Variants in CSMD1 observed in about 807,000 individuals in gnomAD.
CSMD1 encodes the protein CUB and sushi domain-containing protein 1.
Under a neutral mutation model 417.5 loss-of-function variants are expected in CSMD1, and 213 were observed. That is an observed-to-expected ratio of 0.51 (90% CI 0.46 to 0.57). The LOEUF (loss-of-function observed/expected upper bound fraction) is 0.57. Among genes scored for constraint, CSMD1 ranks in the 20% least tolerant of loss-of-function variants. CSMD1 has a pLI of 0.00. For missense variants in CSMD1, 6,923 were observed against 4,529.7 expected (o/e 1.53, Z -15.17); for synonymous variants, 2,862 against 1,736.8 (o/e 1.65, Z -16.11).
chr8:3,663,101 C>A (rs1363168982), intron 7 of CSMD1, among the ~76,000 whole-genome samples: 3 of 152,036 alleles, frequency 2.0e-5, no homozygotes, highest in Non-Finnish European at 2.9e-5. Flanking sequence ...GAACTGCCCG[C>A]AATGAAGACC....
intron 1 of CSMD1, among the ~76,000 whole-genome samples, chr8:4,766,487 G>C (rs6558915): frequency 6.6e-6 from 1 of 152,190 alleles, no homozygotes; most frequent in Non-Finnish European, 1.5e-5. Context: ...GCTGCAACCA[G>C]AAAGTCAGGC....
In CSMD1 at chr8:4,094,134, G is replaced by C. The variant is rs559549670; in HGVS notation, c.416-62035C>G. On this transcript the variant is annotated intron_variant, in intron 3 of 69. Coordinates refer to ENST00000635120, the MANE Select transcript of CSMD1 (RefSeq NM_033225.6). ...CCCAACAGATGGTGCCTCCGTGTGT[G>C]GGGGGGATGAGGGGACACAGCCGTG... 1.6e-3 allele frequency among the ~76,000 whole-genome samples: 251 copies of C among 152,186 alleles called. 1 individual carries two copies. The highest frequency in any genetic ancestry group is 5.8e-3 in the African/African-American group (241 of 41,532).
At chr8:4,245,442 C>T (rs754465707) in intron 3 of CSMD1, among the ~76,000 whole-genome samples, 1 of 152,112 alleles carries the variant, frequency 6.6e-6, no homozygotes, top group Non-Finnish European at 1.5e-5. Context: ...TTAGGTGGTG[C>T]TCAACACAAT....
At chr8:2,941,467 A>C (rs954509752) in intron 69 of CSMD1, among the ~76,000 whole-genome samples, 1 of 152,188 alleles carries the variant, frequency 6.6e-6, no homozygotes, top group African/African-American at 2.4e-5. Flanking sequence ...TTTGTAGTTA[A>C]TGCTACCATT....
chr8:4,665,448 A>G (rs1015403204), intron 1 of CSMD1, among the ~76,000 whole-genome samples: 1 of 152,212 alleles, frequency 6.6e-6, no homozygotes, highest in Non-Finnish European at 1.5e-5. Context: ...TGAGAGATTC[A>G]AACTCCACAG....
chr8:4,521,316 T>C (rs955503133), intron 2 of CSMD1, among the ~76,000 whole-genome samples: 5 of 151,886 alleles, frequency 3.3e-5, no homozygotes, highest in Non-Finnish European at 7.4e-5. Flanking sequence ...TGAGTAAAGA[T>C]AGGAAATGGG....
intron 26 of CSMD1, among the ~76,000 whole-genome samples, chr8:3,260,421 C>A (rs1284873647): frequency 6.6e-6 from 1 of 152,016 alleles, no homozygotes; most frequent in East Asian, 1.9e-4. Flanking sequence ...GGAGTATATC[C>A]TCCAGCCCCA....
chr8:2,943,817 G>C (rs942430046), intron 68 of CSMD1, among the ~76,000 whole-genome samples: 4 of 152,152 alleles, frequency 2.6e-5, no homozygotes, highest in African/African-American at 9.7e-5. Flanking sequence ...TCTCAATATA[G>C]CAGAATTGTT....
intron 8 of CSMD1, among the ~76,000 whole-genome samples, chr8:3,600,158 G>C (rs1322636421): frequency 6.6e-6 from 1 of 152,176 alleles, no homozygotes; most frequent in Non-Finnish European, 1.5e-5. Flanking sequence ...GGTGGCATCA[G>C]CAAGCTGAAA....
intron 2 of CSMD1, among the ~76,000 whole-genome samples, chr8:4,559,519 A>G (rs547746831): frequency 6.6e-6 from 1 of 152,350 alleles, no homozygotes; most frequent in Non-Finnish European, 1.5e-5. Context: ...ACGAGGGTTC[A>G]TATTAAGTTC....
chr8:4,162,711 G>C (rs1181144256), intron 3 of CSMD1, among the ~76,000 whole-genome samples: 4 of 152,124 alleles, frequency 2.6e-5, no homozygotes, highest in Non-Finnish European at 5.9e-5. Context: ...CGCCAGAGTG[G>C]TGCATTTGTT....
intron 3 of CSMD1, among the ~76,000 whole-genome samples, chr8:4,057,938 C>T (rs1227926027): frequency 2.6e-5 from 4 of 150,956 alleles, no homozygotes; most frequent in Non-Finnish European, 3.0e-5. Context: ...TTCCTGTAGC[C>T]TTGTAGCATA....
At chr8:4,087,171 C>G (rs974237826) in intron 3 of CSMD1, among the ~76,000 whole-genome samples, 1 of 152,174 alleles carries the variant, frequency 6.6e-6, no homozygotes, top group Non-Finnish European at 1.5e-5. Flanking sequence ...CTTCTCACCT[C>G]CTTTCAGGGC....
At chr8:3,146,367 G>A (rs1327975228) in intron 40 of CSMD1, among the ~76,000 whole-genome samples, 1 of 151,912 alleles carries the variant, frequency 6.6e-6, no homozygotes, top group African/African-American at 2.4e-5. Flanking sequence ...ATCAGGTTTA[G>A]CTACTAGATA....
In CSMD1 at chr8:4,342,899, T is replaced by C. The variant is rs1164770961; in HGVS notation, c.415+77054A>G. 3.3e-5 allele frequency among the ~76,000 whole-genome samples: 5 copies of C among 152,146 alleles called. No homozygotes were observed. The East Asian group carries it at 5.8e-4, about 18-fold the overall frequency. On this transcript the variant is annotated intron_variant, in intron 3 of 69. Transcript: ENST00000635120. ...TGACATATCAGGAGAAGCAAAGGAC[T>C]TATGTTTTAGAGAATTCCAAGATAT...
chr8:4,133,043 T>C (rs1016105303), intron 3 of CSMD1, among the ~76,000 whole-genome samples: 5 of 152,072 alleles, frequency 3.3e-5, no homozygotes, highest in Admixed American at 3.3e-4. Context: ...AAGCGATTCT[T>C]TTCTGCCTCA....
intron 3 of CSMD1, among the ~76,000 whole-genome samples, chr8:4,324,942 G>T (rs1051271825): frequency 2.0e-5 from 3 of 152,094 alleles, no homozygotes; most frequent in Non-Finnish European, 1.5e-5. Context: ...CGGGAAGGAG[G>T]CAATTGTATT....
At position 4,641,461 on chromosome 8, in the gene CSMD1, T is replaced by C. The variant is rs749184127; in HGVS notation, c.86-3903A>G. 1.3e-3 allele frequency among the ~76,000 whole-genome samples: 199 copies of C among 152,174 alleles called. 5 individuals are homozygous for C. Among genetic ancestry groups the C allele is most frequent in the Admixed American group, 1.4e-3 (22 of 15,280 alleles). ...GTCATTTTTAAATTCTGTCTTATAC[T>C]GTTGGACTGAGGTTCTGTTTTCAAA... On this transcript the variant is annotated intron_variant, in intron 1 of 69. Transcript: ENST00000635120.
rs1273375780 is a variant in CSMD1, at chr8:3,406,174, G to C, written c.2119C>G (p.Arg707Gly). The C allele has an allele frequency of 6.2e-7, 1 of 1,612,548 alleles. No individual in the cohort carries two copies. The highest frequency in any genetic ancestry group is 2.2e-5 in the East Asian group (1 of 44,820). The change falls in exon 15 of 70, where the codon CGA becomes GGA. Residue 707 changes from arginine to glycine, a missense_variant. Coordinates refer to ENST00000635120, the MANE Select transcript of CSMD1 (RefSeq NM_033225.6). ...CHDPGIPING[R>G]RFGDRFLLGS... ...AGTAGAAACCTGTCACCAAAACGTC[G>C]TCCGTTTATAGGAATGCCAGGATCA...
Sources: gnomAD v4.1 joint callset for allele counts (sites outside exome capture counted in the v4.1 genomes callset) on GRCh38, gnomAD v4.1.1 for gene constraint, MANE v1.5 for transcripts, NCBI Gene and HGNC (gene_info 2026-07-23, HGNC 2026-07-21) for gene names.